PIGK: variants seen among roughly 807,000 people sequenced by gnomAD.
PIGK encodes GPI-anchor transamidase.
PIGK carries 42 observed loss-of-function variants against 50.6 expected under a neutral mutation model. The ratio of observed to expected loss-of-function variants is 0.83; its 90% CI spans 0.65 to 1.07. PIGK has a LOEUF of 1.07. PIGK is among the 50% of genes least tolerant of loss of function. The probability of loss-of-function intolerance (pLI) is 0.00; values close to 1 mark genes in which losing one functional copy is unlikely to be tolerated. For synonymous variants in PIGK, 151 were observed against 156.0 expected (o/e 0.97, Z 0.24); for missense variants, 448 against 488.7 (o/e 0.92, Z 0.78).
chr1:77,178,571 CG>C (rs1450570286), intron 3 of PIGK, among the ~76,000 whole-genome samples: 2 of 148,210 alleles, frequency 1.3e-5, no homozygotes, highest in African/African-American at 5.0e-5. Flanking sequence ...AGGGCATTAA[CG>C]GAGAGACTGC....
intron 3 of PIGK, among the ~76,000 whole-genome samples, chr1:77,178,837 A>G (rs1233629782): frequency 1.3e-5 from 2 of 152,244 alleles, no homozygotes; most frequent in Non-Finnish European, 2.9e-5. Context: ...ATGTGTGACC[A>G]TGAGGACACC....
At chr1:77,208,072 A>G (rs992457729) in intron 2 of PIGK, among the ~76,000 whole-genome samples, 3 of 151,998 alleles carry the variant, frequency 2.0e-5, no homozygotes, top group African/African-American at 7.2e-5. Flanking sequence ...AAAAAAATGT[A>G]AAATTTAGCA....
chr1:77,204,890 G>C (rs903239952), intron 3 of PIGK, among the ~76,000 whole-genome samples: 1 of 151,920 alleles, frequency 6.6e-6, no homozygotes, highest in Non-Finnish European at 1.5e-5. Context: ...CTTTTCTATT[G>C]ATTTCTATTT....
chr1:77,179,456 T>G (rs948627236), intron 3 of PIGK, among the ~76,000 whole-genome samples: 8 of 152,218 alleles, frequency 5.3e-5, no homozygotes, highest in African/African-American at 1.7e-4. Flanking sequence ...TAACAATAGC[T>G]GAGTCTTGAC....
intron 3 of PIGK, chr1:77,195,494 A>T (rs1656013236): frequency 8.9e-6 from 6 of 671,350 alleles, no homozygotes; most frequent in African/African-American, 1.8e-5. Flanking sequence ...GACTATTAAA[A>T]TGGCACACAG....
intron 9 of PIGK, among the ~76,000 whole-genome samples, chr1:77,143,401 C>T (rs1156893978): frequency 3.3e-5 from 5 of 151,704 alleles, no homozygotes; most frequent in Admixed American, 2.6e-4. Context: ...AAATTTTTAC[C>T]ATCCTTTATA....
intron 3 of PIGK, among the ~76,000 whole-genome samples, chr1:77,205,471 T>C (rs1656268025): frequency 6.6e-6 from 1 of 151,824 alleles, no homozygotes; most frequent in African/African-American, 2.4e-5. Context: ...AAGACTGTAA[T>C]ATAACTTTGT....
chr1:77,118,341 G>T (rs1292212154), intron 10 of PIGK, among the ~76,000 whole-genome samples: 1 of 151,568 alleles, frequency 6.6e-6, no homozygotes. Context: ...CTGGGCTCAG[G>T]GTATCCTCCT....
intron 10 of PIGK, among the ~76,000 whole-genome samples, chr1:77,103,220 T>C (rs1653587878): frequency 6.6e-6 from 1 of 152,196 alleles, no homozygotes; most frequent in African/African-American, 2.4e-5. Flanking sequence ...TGCAATAAAA[T>C]TACTATTTTT....
intron 9 of PIGK, among the ~76,000 whole-genome samples, chr1:77,136,461 G>A (rs1305319108): frequency 1.3e-5 from 2 of 149,552 alleles, no homozygotes; most frequent in East Asian, 2.0e-4. Flanking sequence ...CCCGGGAGGC[G>A]GAGCTTGCAG....
At chr1:77,102,889 T>G (rs1307878866) in intron 10 of PIGK, among the ~76,000 whole-genome samples, 1 of 152,200 alleles carries the variant, frequency 6.6e-6, no homozygotes, top group Non-Finnish European at 1.5e-5. Flanking sequence ...GTATATAAAA[T>G]AAGGGTCAGA....
intron 3 of PIGK, among the ~76,000 whole-genome samples, chr1:77,205,109 C>A (rs1656259071): frequency 6.6e-6 from 1 of 152,074 alleles, no homozygotes; most frequent in Non-Finnish European, 1.5e-5. Context: ...AAACTCCTTC[C>A]AAATCTAACT....
intron 3 of PIGK, chr1:77,195,518 C>A: frequency 3.6e-6 from 2 of 552,326 alleles, no homozygotes; most frequent in Non-Finnish European, 6.1e-6. Context: ...TACGGAAATT[C>A]AAGAATAAGG....
At chr1:77,124,941 T>G (rs554806606) in intron 9 of PIGK, among the ~76,000 whole-genome samples, 43 of 152,312 alleles carry the variant, frequency 2.8e-4, no homozygotes, top group African/African-American at 1.0e-3. Flanking sequence ...TGACCACTTG[T>G]GCAGTTTGAT....
intron 4 of PIGK, among the ~76,000 whole-genome samples, chr1:77,168,804 A>G (rs1337707291): frequency 1.3e-5 from 2 of 151,934 alleles, no homozygotes; most frequent in Non-Finnish European, 2.9e-5. Context: ...AAAATAGAGT[A>G]TAATACCATT....
chr1:77,174,367 G>A lies in PIGK; in HGVS notation c.240-4972C>T, dbSNP rs549265096. Among the ~76,000 whole-genome samples, 69 of 152,208 alleles carry A rather than the reference G, an allele frequency of 4.5e-4. No individual in the cohort carries two copies. The South Asian group carries it at 8.1e-3, about 18-fold the overall frequency. On this transcript the variant is annotated intron_variant, in intron 3 of 10. Transcript: ENST00000370812. The stretch of plus-strand genomic sequence containing the variant: ...AAAAGCAGAGGAGGCACCACACACC[G>A]TGTTTTGGGAAAAACCTCTGTTTTC...
intron 8 of PIGK, among the ~76,000 whole-genome samples, chr1:77,157,009 T>C (rs1655023592): frequency 6.6e-6 from 1 of 152,160 alleles, no homozygotes; most frequent in Admixed American, 6.5e-5. Flanking sequence ...GGAAAGAAAA[T>C]TACCTGGAGG....
chr1:77,101,088 T>A (rs11807652), intron 10 of PIGK, among the ~76,000 whole-genome samples: 2 of 151,962 alleles, frequency 1.3e-5, no homozygotes, highest in African/African-American at 4.8e-5. Context: ...AATTCACAAA[T>A]AAATCTGCCA....
intron 9 of PIGK, among the ~76,000 whole-genome samples, chr1:77,139,318 T>G (rs544337909): frequency 5.5e-4 from 83 of 151,746 alleles, no homozygotes; most frequent in African/African-American, 1.8e-3. Context: ...TGCGAATACT[T>G]TCTGCTACTA....
Sources: allele counts gnomAD v4.1 joint callset (sites outside exome capture counted in the v4.1 genomes callset), GRCh38; gene constraint gnomAD v4.1.1; transcripts MANE v1.5; gene names NCBI Gene and HGNC (gene_info 2026-07-23, HGNC 2026-07-21).